The following SLMAP variants were observed in gnomAD, a reference collection of about 807,000 sequenced individuals.
SLMAP encodes the protein sarcolemmal membrane-associated protein.
SLMAP carries 44 observed loss-of-function variants against 128.8 expected under a neutral mutation model. That is an observed-to-expected ratio of 0.34 (90% CI 0.27 to 0.44). The LOEUF is 0.44. Among genes scored for constraint, SLMAP ranks in the 20% least tolerant of loss-of-function variants. The pLI, the probability that SLMAP is intolerant of heterozygous loss-of-function variation, is 1.00. For missense variants in SLMAP, 787 were observed against 985.3 expected (o/e 0.80, Z 2.69); for synonymous variants, 327 against 348.8 (o/e 0.94, Z 0.70).
chr3:57,866,034 C>T (rs942077534), intron 13 of SLMAP, among the ~76,000 whole-genome samples: 1 of 152,114 alleles, frequency 6.6e-6, no homozygotes. Flanking sequence ...CTGTGTTTAC[C>T]AATCTATGTG....
At chr3:57,820,980 T>C (rs775986830) in intron 2 of SLMAP, among the ~76,000 whole-genome samples, 3 of 152,222 alleles carry the variant, frequency 2.0e-5, no homozygotes, top group Non-Finnish European at 4.4e-5. Context: ...TATAGAGGCT[T>C]TCCAGAATTC....
intron 2 of SLMAP, among the ~76,000 whole-genome samples, chr3:57,782,680 C>T (rs1277849686): frequency 6.6e-6 from 1 of 152,074 alleles, no homozygotes; most frequent in African/African-American, 2.4e-5. Flanking sequence ...GCCATATTGT[C>T]CAGGCTGGTC....
At chr3:57,922,613 G>A (rs1281628194) in intron 22 of SLMAP, among the ~76,000 whole-genome samples, 1 of 151,988 alleles carries the variant, frequency 6.6e-6, no homozygotes, top group African/African-American at 2.4e-5. Context: ...ATTTTTAGTA[G>A]AGATGGGGTT....
At chr3:57,854,014 A>T (rs1289659722) in intron 6 of SLMAP, among the ~76,000 whole-genome samples, 2 of 116,214 alleles carry the variant, frequency 1.7e-5, no homozygotes, top group East Asian at 4.8e-4. Context: ...CATATAATAT[A>T]TATTATATAT....
rs371568708 is a variant in SLMAP, at chr3:57,775,294, G to A, written c.198+17445G>A. On this transcript the variant is annotated intron_variant, in intron 2 of 24. Coordinates refer to ENST00000671191, the MANE Select transcript of SLMAP (RefSeq NM_001377540.1). ...CCTGACCTTGTGATCCGCCCACCCC[G>A]GCCTCCCAAAGTGCTGGGATTACAG... is the stretch of plus-strand genomic sequence containing the variant. Among the ~76,000 whole-genome samples the A allele has an allele frequency of 3.2e-4, 49 of 151,270 alleles. 2 individuals carry two copies. The South Asian group carries it at 9.6e-3, about 30-fold the overall frequency.
rs973497002 is a variant in SLMAP at position 57,757,469 on chromosome 3, G to A, written c.-183G>A. The A allele has an allele frequency of 9.6e-6, 6 of 622,900 alleles. No homozygotes were observed. The highest frequency in any genetic ancestry group is 1.7e-5 in the Non-Finnish European group (6 of 352,646). 38.6% of individuals were successfully genotyped at this position (622,900 alleles called of 1,614,324 possible). A position where few individuals can be genotyped will look rare whatever the true frequency, so the allele number is the denominator to read the frequency against. The stretch of plus-strand genomic sequence containing the variant: ...CGTTTTAAAGGAGGTGATGGGGCTT[G>A]CGCTGGCTTGTCTTCCCACCCAAGT... On this transcript the variant is annotated 5_prime_UTR_variant, in exon 2 of 25. Transcript: ENST00000671191.
At chr3:57,911,602 G>C (rs376923468) in intron 19 of SLMAP, among the ~76,000 whole-genome samples, 1 of 151,968 alleles carries the variant, frequency 6.6e-6, no homozygotes, top group African/African-American at 2.4e-5. Flanking sequence ...ATTGTTTACT[G>C]TGTTAGATAT....
rs558126320 is a variant in SLMAP, at chr3:57,868,428, A to T, written c.1237+3136A>T. On this transcript the variant is annotated intron_variant, in intron 13 of 24. Transcript: ENST00000671191. Reference sequence around the variant, plus strand: ...CCCCATCTCTAAAAAGAAAAAAAAAATTTTTTTTTTAAATTAGTGAGGTGT... The same window carrying T: ...CCCCATCTCTAAAAAGAAAAAAAAATTTTTTTTTTTAAATTAGTGAGGTGT... Among the ~76,000 whole-genome samples, 696 of 149,872 alleles carry T rather than the reference A, an allele frequency of 4.6e-3. 3 individuals carry two copies. Among genetic ancestry groups the T allele is most frequent in the Non-Finnish European group, 6.4e-3 (431 of 67,312 alleles).
rs893698237 is a variant in SLMAP at position 57,909,394 on chromosome 3, C to T, written c.1699+244C>T. Among the ~76,000 whole-genome samples, 31 of 150,616 alleles carry T rather than the reference C, an allele frequency of 2.1e-4. 1 individual carries two copies. Among genetic ancestry groups the T allele is most frequent in the Non-Finnish European group, 3.8e-4 (26 of 67,732 alleles). Reference sequence around the variant, plus strand: ...GTGCATGCCTGTAATCCCAGCTTCTCGGGAGGCTGAGGCAGGAGAATTGCT... The same window carrying T: ...GTGCATGCCTGTAATCCCAGCTTCTTGGGAGGCTGAGGCAGGAGAATTGCT... On this transcript the variant is annotated intron_variant, in intron 19 of 24. Transcript: ENST00000671191.
intron 2 of SLMAP, among the ~76,000 whole-genome samples, chr3:57,770,694 T>C (rs1436887333): frequency 6.6e-6 from 1 of 152,234 alleles, no homozygotes; most frequent in African/African-American, 2.4e-5. Context: ...AGGAGGCTAA[T>C]AATCGTATTT....
intron 4 of SLMAP, among the ~76,000 whole-genome samples, chr3:57,846,270 C>T (rs1577487887): frequency 2.0e-5 from 3 of 152,158 alleles, no homozygotes; most frequent in South Asian, 2.1e-4. Flanking sequence ...TTTTTGTCAG[C>T]AGTAGTTATC....
intron 2 of SLMAP, among the ~76,000 whole-genome samples, 160 bp from the exon 3 acceptor site, chr3:57,831,223 T>C (rs939374858): frequency 2.6e-5 from 4 of 152,190 alleles, no homozygotes; most frequent in Non-Finnish European, 5.9e-5. Context: ...TAATTTCATA[T>C]ATATTAAAGG....
intron 5 of SLMAP, 57 bp downstream of exon 5, chr3:57,847,290 G>A (rs1560217393): frequency 2.2e-6 from 3 of 1,338,968 alleles, no homozygotes; most frequent in Non-Finnish European, 3.2e-6. Context: ...CTTTGAAAAT[G>A]TTTGTTTTTA....
intron 2 of SLMAP, among the ~76,000 whole-genome samples, chr3:57,813,734 A>G (rs945281972): frequency 2.0e-5 from 3 of 152,234 alleles, no homozygotes; most frequent in Non-Finnish European, 4.4e-5. Context: ...ATTTTATAAA[A>G]GGGTCTTGAA....
chr3:57,885,771 C>CTTTTTTTTTTTTTTTTTTTTTT (rs35541333), intron 14 of SLMAP, among the ~76,000 whole-genome samples: 3 of 53,574 alleles, frequency 5.6e-5, no homozygotes, highest in African/African-American at 2.4e-4. Flanking sequence ...GTTTTTGGTT[C>CTTTTTTTTTTTTTTTTTTTTTT]TTTTTTTTTT....
intron 3 of SLMAP, among the ~76,000 whole-genome samples, chr3:57,835,430 G>A (rs1049409048): frequency 6.6e-6 from 1 of 152,162 alleles, no homozygotes; most frequent in Non-Finnish European, 1.5e-5. Flanking sequence ...TTGCACTCCA[G>A]CCTTGTCTCT....
At chr3:57,789,953 C>T (rs1447084524) in intron 2 of SLMAP, among the ~76,000 whole-genome samples, 4 of 152,178 alleles carry the variant, frequency 2.6e-5, no homozygotes, top group Non-Finnish European at 5.9e-5. Context: ...TCTCCTGCCT[C>T]AGCCTCCCAA....
intron 2 of SLMAP, among the ~76,000 whole-genome samples, chr3:57,795,860 A>G (rs570890897): frequency 2.4e-4 from 36 of 152,082 alleles, no homozygotes; most frequent in African/African-American, 6.0e-4. Flanking sequence ...AGTAACCTCT[A>G]TTCTACTTTC....
At chr3:57,844,431 C>G (rs899596192) in intron 4 of SLMAP, among the ~76,000 whole-genome samples, 3 of 151,804 alleles carry the variant, frequency 2.0e-5, no homozygotes, top group African/African-American at 4.8e-5. Flanking sequence ...AAAAAAATTG[C>G]ATATAATCCC....
Sources: gnomAD v4.1 joint callset for allele counts (sites outside exome capture counted in the v4.1 genomes callset) on GRCh38, gnomAD v4.1.1 for gene constraint, MANE v1.5 for transcripts, NCBI Gene and HGNC (gene_info 2026-07-23, HGNC 2026-07-21) for gene names.